ANKRD27: variants seen among roughly 807,000 people sequenced by gnomAD.
The protein encoded by ANKRD27 is ankyrin repeat domain 27.
Under a neutral mutation model 129.7 loss-of-function variants are expected in ANKRD27, and 112 were observed. The ratio of observed to expected loss-of-function variants is 0.86; its 90% CI spans 0.74 to 1.01. The LOEUF (loss-of-function observed/expected upper bound fraction) is 1.01, where lower values mean the gene tolerates loss of function less well. ANKRD27 is among the 50% of genes least tolerant of loss of function. ANKRD27 has a pLI of 0.00. For missense variants in ANKRD27, 1,258 were observed against 1,300.5 expected (o/e 0.97, Z 0.50); for synonymous variants, 516 against 511.2 (o/e 1.01, Z -0.13).
intron 22 of ANKRD27, among the ~76,000 whole-genome samples, chr19:32,610,786 C>A (rs544203163): frequency 2.0e-5 from 3 of 151,812 alleles, no homozygotes; most frequent in Admixed American, 6.6e-5. Flanking sequence ...AGGGAGACTC[C>A]GTCTCAAAAA....
chr19:32,637,778 C>CGCTCCTCCCCACTCCT (rs1287903526), intron 12 of ANKRD27: 1 of 152,456 alleles, frequency 6.6e-6, no homozygotes, highest in Non-Finnish European at 1.5e-5. Flanking sequence ...TGCCTGCTCC[C>CGCTCCTCCCCACTCCT]GCTCCTCCCC....
chr19:32,668,787 A>ACG (rs2145328804), intron 1 of ANKRD27, among the ~76,000 whole-genome samples: 1 of 151,110 alleles, frequency 6.6e-6, no homozygotes, highest in African/African-American at 2.4e-5. Context: ...GTCTCGCTAC[A>ACG]TTGCCCAAGT....
At chr19:32,623,705 C>G (rs1398134554) in intron 17 of ANKRD27, among the ~76,000 whole-genome samples, 1 of 152,100 alleles carries the variant, frequency 6.6e-6, no homozygotes, top group Non-Finnish European at 1.5e-5. Context: ...TGTGCCACCA[C>G]ACACAGCTAA....
chr19:32,602,473 A>C (rs900008191), intron 25 of ANKRD27, among the ~76,000 whole-genome samples: 1 of 152,042 alleles, frequency 6.6e-6, no homozygotes. Flanking sequence ...GAAACACATT[A>C]ATTAACTGGG....
intron 28 of ANKRD27, among the ~76,000 whole-genome samples, chr19:32,599,002 G>A (rs987167865): frequency 1.3e-5 from 2 of 152,110 alleles, no homozygotes; most frequent in Non-Finnish European, 2.9e-5. Flanking sequence ...AGTAGGGTCC[G>A]GGCACGGTGG....
chr19:32,605,721 G>A (rs1971722276), intron 24 of ANKRD27, 114 bp downstream of exon 24: 15 of 1,420,876 alleles, frequency 1.1e-5, no homozygotes, highest in African/African-American at 1.4e-5. Flanking sequence ...CAGAGGCCTG[G>A]GGTTGATGGG....
In ANKRD27 at chr19:32,643,193, C is replaced by A. The variant is rs753432278; in HGVS notation, c.712G>T (p.Ala238Ser). Residue 238 changes from alanine (A) to serine (S), a missense_variant, in exon 9 of 29, where the codon GCC becomes TCC. Physicochemically the swap from Ala to Ser is moderately conservative, Grantham distance 99. Coordinates refer to ENST00000306065, the MANE Select transcript of ANKRD27 (RefSeq NM_032139.3). ...VGTMEASEDA[A>S]FNKITRSLQD... is the part of the protein sequence containing the mutation. ...AGGCTTCTTGTGATTTTGTTAAAGG[C>A]CGCATCCTAACAACAGATTTTAACG... The A allele has an allele frequency of 1.2e-6, 2 of 1,614,072 alleles. No homozygotes were observed. Among genetic ancestry groups the A allele is most frequent in the Non-Finnish European group, 1.7e-6 (2 of 1,180,028 alleles).
intron 9 of ANKRD27, among the ~76,000 whole-genome samples, chr19:32,642,465 C>T (rs558281898): frequency 4.6e-5 from 7 of 152,244 alleles, no homozygotes; most frequent in South Asian, 4.1e-4. Flanking sequence ...TTAGGCTCGG[C>T]GCAGTGGCTC....
At chr19:32,620,822 G>A (rs957818688) in intron 18 of ANKRD27, among the ~76,000 whole-genome samples, 1 of 147,506 alleles carries the variant, frequency 6.8e-6, no homozygotes, top group East Asian at 2.0e-4. Flanking sequence ...GGAGGCAGAG[G>A]TTGCAGTAAG....
In ANKRD27 at chr19:32,656,103, G is replaced by GAAAGAAAAGA. The variant is rs535574771; in HGVS notation, c.102+2801_102+2810dup. 1.8e-3 allele frequency among the ~76,000 whole-genome samples: 223 copies of GAAAGAAAAGA among 123,372 alleles called. 2 individuals carry two copies. The highest frequency in any genetic ancestry group is 4.3e-3 in the Middle Eastern group (1 of 230). 80.9% of individuals were successfully genotyped at this position (123,372 alleles called of 152,430 possible). A position where few individuals can be genotyped will look rare whatever the true frequency, so the allele number is the denominator to read the frequency against. On this transcript the variant is annotated intron_variant, in intron 2 of 28. Transcript: ENST00000306065. ...AGAAAGAAAGAAAGAAAGAAAGAAA[G>GAAAGAAAAGA]AAAGAAAAGAAAAGAAAAGAAAAGA...
intron 22 of ANKRD27, among the ~76,000 whole-genome samples, chr19:32,613,320 G>A (rs943420951): frequency 1.3e-5 from 2 of 152,144 alleles, no homozygotes; most frequent in Admixed American, 6.5e-5. Context: ...CTCATACATC[G>A]CTGGTGGGCA....
At chr19:32,671,234 G>C (rs1967863640) in intron 1 of ANKRD27, among the ~76,000 whole-genome samples, 1 of 151,836 alleles carries the variant, frequency 6.6e-6, no homozygotes, top group South Asian at 2.1e-4. Flanking sequence ...GCTGCAATGA[G>C]TTATGACTGC....
At chr19:32,653,497 G>T (rs1306024565) in intron 2 of ANKRD27, among the ~76,000 whole-genome samples, 1 of 152,142 alleles carries the variant, frequency 6.6e-6, no homozygotes, top group African/African-American at 2.4e-5. Context: ...CTCTGAGGAC[G>T]CCACAGGTGT....
At position 32,631,509 on chromosome 19, in the gene ANKRD27, C is replaced by T. The variant is rs773221357; in HGVS notation, c.1117-15G>A. On this transcript the variant is annotated splice_polypyrimidine_tract_variant and intron_variant, in intron 12 of 28. Transcript: ENST00000306065. ...CCCTCAGACTCCTGCAGGGAAAAAA[C>T]CAAACACACCACGAGATGTCAGTGC... is the stretch of plus-strand genomic sequence containing the variant. 2 of 1,606,164 alleles carry T rather than the reference C, an allele frequency of 1.2e-6. No homozygotes were observed. Among genetic ancestry groups the T allele is most frequent in the Non-Finnish European group, 8.5e-7 (1 of 1,173,498 alleles).
intron 12 of ANKRD27, among the ~76,000 whole-genome samples, chr19:32,633,919 A>C (rs541602562): frequency 1.3e-5 from 2 of 151,924 alleles, no homozygotes; most frequent in African/African-American, 4.8e-5. Flanking sequence ...AGTCCCAGCC[A>C]CCCAGGAGGC....
intron 9 of ANKRD27, 58 bp from the exon 10 acceptor site, chr19:32,642,203 TGG>T: frequency 2.1e-6 from 3 of 1,454,998 alleles, no homozygotes; most frequent in Non-Finnish European, 1.8e-6. Flanking sequence ...CCCTCTGGCC[TGG>T]ATCTAAGAAC....
At chr19:32,619,774 C>T (rs1971980738) in intron 18 of ANKRD27, among the ~76,000 whole-genome samples, 1 of 152,162 alleles carries the variant, frequency 6.6e-6, no homozygotes, top group Non-Finnish European at 1.5e-5. Context: ...GGGCTTCCTC[C>T]CTTCACGGCT....
At chr19:32,616,567 A>C (rs1034579898) in intron 21 of ANKRD27, among the ~76,000 whole-genome samples, 12 of 151,614 alleles carry the variant, frequency 7.9e-5, no homozygotes, top group Non-Finnish European at 1.6e-4. Flanking sequence ...AAAAAAAAAA[A>C]AGTGGAAGAC....
intron 24 of ANKRD27, 44 bp downstream of exon 24, chr19:32,605,791 A>T: frequency 1.2e-6 from 2 of 1,605,804 alleles, no homozygotes; most frequent in Non-Finnish European, 1.7e-6. Context: ...GCGCCCTGTT[A>T]ACTGGCGCAG....
Sources: allele counts gnomAD v4.1 joint callset (sites outside exome capture counted in the v4.1 genomes callset), GRCh38; gene constraint gnomAD v4.1.1; transcripts MANE v1.5; gene names NCBI Gene and HGNC (gene_info 2026-07-23, HGNC 2026-07-21).